The following OSBPL3 variants were observed in gnomAD, a reference collection of about 807,000 sequenced individuals.
The protein encoded by OSBPL3 is oxysterol binding protein like 3.
OSBPL3 carries 65 observed loss-of-function variants against 120.1 expected under a neutral mutation model. The observed-to-expected ratio is 0.54, with a 90% CI of 0.44 to 0.67. The LOEUF (loss-of-function observed/expected upper bound fraction) is 0.67. Among genes scored for constraint, OSBPL3 ranks in the 30% least tolerant of loss-of-function variants. The pLI is 0.00. For missense variants in OSBPL3, 1,004 were observed against 1,082.1 expected (o/e 0.93, Z 1.01); for synonymous variants, 416 against 402.6 (o/e 1.03, Z -0.40).
chr7:24,964,907 A>G lies in OSBPL3; in HGVS notation c.-150+14979T>C, dbSNP rs185039112. On this transcript the variant is annotated intron_variant, in intron 1 of 22. Transcript: ENST00000313367. The surrounding 1 kb of genome is among the most constrained non-coding windows in gnomAD (Gnocchi z 4.2). ...AGTAAAGTTGGACAAACATTGAGCA[A>G]TACCTAAGCAGATGATCTCTAAGCT... Among the ~76,000 whole-genome samples the G allele has an allele frequency of 5.5e-4, 84 of 152,358 alleles. No individual in the cohort carries two copies. Among genetic ancestry groups the G allele is most frequent in the Admixed American group, 1.1e-3 (17 of 15,304 alleles).
At chr7:24,977,424 G>A (rs1046979954) in intron 1 of OSBPL3, among the ~76,000 whole-genome samples, 1 of 152,158 alleles carries the variant, frequency 6.6e-6, no homozygotes, top group Non-Finnish European at 1.5e-5. Flanking sequence ...TTAGTGGGGC[G>A]AGAATTGAAG....
At chr7:24,942,881 C>T (rs1259392076) in intron 1 of OSBPL3, among the ~76,000 whole-genome samples, 1 of 152,140 alleles carries the variant, frequency 6.6e-6, no homozygotes. Flanking sequence ...ACAAAAAGCC[C>T]AAAACCTGTC....
rs117804692 is a variant in OSBPL3, at chr7:24,821,164, A to G, written c.1885-926T>C. Among the ~76,000 whole-genome samples the G allele has an allele frequency of 1.2e-3, 186 of 152,318 alleles. 5 individuals carry two copies. The East Asian group carries it at 0.03, about 25-fold the overall frequency. ...AGTTCTCTGATGTAGCTGATTCTTA[A>G]CAGAGGTGTCTTACATTGAGAGTAT... On this transcript the variant is annotated intron_variant, in intron 16 of 22. Transcript: ENST00000313367. This position sits in a 1 kb window ranked among gnomAD's most constrained non-coding sequence, Gnocchi z 5.5.
chr7:24,869,698 A>T (rs921637794), intron 5 of OSBPL3, among the ~76,000 whole-genome samples: 8 of 152,204 alleles, frequency 5.3e-5, no homozygotes, highest in Non-Finnish European at 1.2e-4. Context: ...TGCTTTACAC[A>T]ATTAGCTACA....
At chr7:24,869,038 C>T (rs183668722) in intron 5 of OSBPL3, among the ~76,000 whole-genome samples, 80 of 152,254 alleles carry the variant, frequency 5.3e-4, no homozygotes, top group Non-Finnish European at 1.0e-3. Context: ...ACCAAACAGC[C>T]CACAATTAAA....
rs140636244 is a variant in OSBPL3, at chr7:24,799,482, T to C, written c.*701A>G. On this transcript the variant is annotated 3_prime_UTR_variant, in exon 23 of 23. Coordinates refer to ENST00000313367, the MANE Select transcript of OSBPL3 (RefSeq NM_015550.4). This position sits in a 1 kb window ranked among gnomAD's most constrained non-coding sequence, Gnocchi z 5.3. ...AATTAATTGGAATTCTTTTCTCTTATGAATAATTTCTCTGAGCAACAGGGT... is the reference window on the plus strand; with the variant it reads ...AATTAATTGGAATTCTTTTCTCTTACGAATAATTTCTCTGAGCAACAGGGT... 1.1e-4 allele frequency: 17 copies of C among 152,338 alleles called. No individual in the cohort carries two copies. The highest frequency in any genetic ancestry group is 3.8e-4 in the African/African-American group (16 of 41,562). 9.4% of individuals were successfully genotyped at this position (152,338 alleles called of 1,614,324 possible). A position where few individuals can be genotyped will look rare whatever the true frequency, so the allele number is the denominator to read the frequency against.
chr7:24,870,202 T>C (rs1562859351), intron 5 of OSBPL3, among the ~76,000 whole-genome samples: 1 of 152,196 alleles, frequency 6.6e-6, no homozygotes, highest in Non-Finnish European at 1.5e-5. Context: ...TGACTATCTC[T>C]ACCACCTGTA....
intron 2 of OSBPL3, among the ~76,000 whole-genome samples, chr7:24,875,240 G>C (rs1269838268): frequency 1.3e-5 from 2 of 152,192 alleles, no homozygotes; most frequent in East Asian, 3.8e-4. Context: ...AGTAACTGAG[G>C]GAAGACTGTA....
rs1301148070 is a variant in OSBPL3, at chr7:24,872,928, G to T, written c.97-859C>A. Among the ~76,000 whole-genome samples, 1 of 152,092 alleles carries T rather than the reference G, an allele frequency of 6.6e-6. No individual in the cohort carries two copies. Among genetic ancestry groups the T allele is most frequent in the Non-Finnish European group, 1.5e-5 (1 of 68,024 alleles). On this transcript the variant is annotated intron_variant, in intron 2 of 22. Coordinates refer to ENST00000313367, the MANE Select transcript of OSBPL3 (RefSeq NM_015550.4). This position sits in a 1 kb window ranked among gnomAD's most constrained non-coding sequence, Gnocchi z 4.1. ...AAAGTAGCAATACTTCAGTGACTGG[G>T]AGAATTTATTTTTATTATTATTTTT... is the stretch of plus-strand genomic sequence containing the variant.
Position 24,849,784 on chromosome 7 carries a change from T to C in OSBPL3, c.1159-608A>G, listed in dbSNP as rs1798911201. ...GCCTGGCCAACATGGTGAAACCCCATCTCTACCAAAAAATGCAAAAATTAG... is the reference window on the plus strand; with the variant it reads ...GCCTGGCCAACATGGTGAAACCCCACCTCTACCAAAAAATGCAAAAATTAG... On this transcript the variant is annotated intron_variant, in intron 11 of 22. Transcript: ENST00000313367. The surrounding 1 kb of genome is among the most constrained non-coding windows in gnomAD (Gnocchi z 5.4). 6.6e-6 allele frequency among the ~76,000 whole-genome samples: 1 copy of C among 151,960 alleles called. No homozygotes were observed. The highest frequency in any genetic ancestry group is 2.4e-5 in the African/African-American group (1 of 41,360).
intron 1 of OSBPL3, among the ~76,000 whole-genome samples, chr7:24,927,601 A>G (rs1384266939): frequency 6.6e-6 from 1 of 152,234 alleles, no homozygotes; most frequent in Non-Finnish European, 1.5e-5. Context: ...CTTGCTGATG[A>G]AAATGTGTAT....
In OSBPL3 at chr7:24,916,428, T is replaced by A. The variant is rs1809555745; in HGVS notation, c.-149-23807A>T. ...TAATATTTTACTTTCTCCTTTGAAC[T>A]TTTTTTTCTTTTGCCTAATTTTTTT... On this transcript the variant is annotated intron_variant, in intron 1 of 22. Coordinates refer to ENST00000313367, the MANE Select transcript of OSBPL3 (RefSeq NM_015550.4). The surrounding 1 kb of genome is among the most constrained non-coding windows in gnomAD (Gnocchi z 4.9). Among the ~76,000 whole-genome samples, 1 of 151,886 alleles carries A rather than the reference T, an allele frequency of 6.6e-6. No individual in the cohort carries two copies. Among genetic ancestry groups the A allele is most frequent in the Non-Finnish European group, 1.5e-5 (1 of 67,992 alleles).
In OSBPL3 at chr7:24,906,125, C is replaced by G. The variant is rs115043926; in HGVS notation, c.-149-13504G>C. On this transcript the variant is annotated intron_variant, in intron 1 of 22. Transcript: ENST00000313367. ...AAAGAGGCCTCCCTCCTGTCCTCAT[C>G]TGCATAGTGAGTCATTCTGGGCTCA... 4.1e-3 allele frequency: 706 copies of G among 171,064 alleles called. 9 individuals carry two copies. Among genetic ancestry groups the G allele is most frequent in the African/African-American group, 0.015 (641 of 42,026 alleles). The allele number at this position is 171,064 out of a possible 1,614,324, so 10.6% of individuals were successfully genotyped here.
At chr7:24,906,881 C>T (rs1808014623) in intron 1 of OSBPL3, among the ~76,000 whole-genome samples, 2 of 152,150 alleles carry the variant, frequency 1.3e-5, no homozygotes, top group South Asian at 4.1e-4. Context: ...CTCTACACTG[C>T]TCCCTACCCC....
At position 24,881,169 on chromosome 7, in the gene OSBPL3, C is replaced by T. The variant is rs181275208; in HGVS notation, c.97-9100G>A. ...GCAGAGATACATTCTGACTAATCAA[C>T]ACATGCATGACTTAGAATCACAGGA... On this transcript the variant is annotated intron_variant, in intron 2 of 22. Transcript: ENST00000313367. The surrounding 1 kb of genome is among the most constrained non-coding windows in gnomAD (Gnocchi z 4.3). Among the ~76,000 whole-genome samples, 1 of 152,352 alleles carries T rather than the reference C, an allele frequency of 6.6e-6. No homozygotes were observed. The highest frequency in any genetic ancestry group is 1.9e-4 in the East Asian group (1 of 5,188).
intron 1 of OSBPL3, among the ~76,000 whole-genome samples, chr7:24,920,549 G>C (rs1447358981): frequency 1.3e-5 from 2 of 152,160 alleles, no homozygotes; most frequent in Non-Finnish European, 2.9e-5. Context: ...ATTAGATAGT[G>C]GTGATGGTAA....
Position 24,833,470 on chromosome 7 carries a change from C to T in OSBPL3, c.1746+1016G>A, listed in dbSNP as rs1374646388. 6.6e-6 allele frequency among the ~76,000 whole-genome samples: 1 copy of T among 152,214 alleles called. No individual in the cohort carries two copies. The highest frequency in any genetic ancestry group is 2.4e-5 in the African/African-American group (1 of 41,456). On this transcript the variant is annotated intron_variant, in intron 15 of 22. Transcript: ENST00000313367. The surrounding 1 kb of genome is among the most constrained non-coding windows in gnomAD (Gnocchi z 4.4). Reference sequence around the variant, plus strand: ...TAAGATTCCCCCTTAATCTTCAAATCATTGAAGTAATGATGTTTTAATGAG... The same window carrying T: ...TAAGATTCCCCCTTAATCTTCAAATTATTGAAGTAATGATGTTTTAATGAG...
In OSBPL3 at chr7:24,821,786, C is replaced by A. The variant is rs1795160255; in HGVS notation, c.1885-1548G>T. 6.6e-6 allele frequency among the ~76,000 whole-genome samples: 1 copy of A among 152,216 alleles called. No individual in the cohort carries two copies. The highest frequency in any genetic ancestry group is 6.5e-5 in the Admixed American group (1 of 15,282). ...TCCTAAGAACGTGAGCCCTTCTGTG[C>A]CTGTGGGATTTTCAAGGGCAACTTT... On this transcript the variant is annotated intron_variant, in intron 16 of 22. Transcript: ENST00000313367. The surrounding 1 kb of genome is among the most constrained non-coding windows in gnomAD (Gnocchi z 5.5).
At position 24,813,524 on chromosome 7, in the gene OSBPL3, G is replaced by A. The variant is rs376901870; in HGVS notation, c.2172+1535C>T. Among the ~76,000 whole-genome samples the A allele has an allele frequency of 1.3e-5, 2 of 152,166 alleles. No individual in the cohort carries two copies. The highest frequency in any genetic ancestry group is 4.8e-5 in the African/African-American group (2 of 41,438). On this transcript the variant is annotated intron_variant, in intron 19 of 22. Transcript: ENST00000313367. The surrounding 1 kb of genome is among the most constrained non-coding windows in gnomAD (Gnocchi z 4.5). The stretch of plus-strand genomic sequence containing the variant: ...TGCCTTTTGTTTCTGTTTGCAGAGA[G>A]CTTAGACAAAGCTTTCAAGGTAGGG...
Sources: allele counts gnomAD v4.1 joint callset (sites outside exome capture counted in the v4.1 genomes callset), GRCh38; gene constraint gnomAD v4.1.1; non-coding constraint Gnocchi (gnomAD v3.1); transcripts MANE v1.5; gene names NCBI Gene and HGNC (gene_info 2026-07-23, HGNC 2026-07-21).